The following CNTNAP2 variants were observed in gnomAD, a reference collection of about 807,000 sequenced individuals.
CNTNAP2 encodes contactin associated protein 2.
A neutral mutation model predicts 155.2 loss-of-function variants in CNTNAP2; 98 were observed. The observed-to-expected ratio is 0.63, with a 90% confidence interval of 0.54 to 0.75. CNTNAP2 has a LOEUF of 0.75. Ranked by LOEUF, CNTNAP2 falls within the 30% of genes least tolerant of loss-of-function variation. The probability of loss-of-function intolerance (pLI) is 0.00; values close to 1 mark genes in which losing one functional copy is unlikely to be tolerated. For synonymous variants in CNTNAP2, 651 were observed against 631.2 expected (o/e 1.03, Z -0.47); for missense variants, 1,727 against 1,688.1 (o/e 1.02, Z -0.40).
chr7:148,326,898 AG>A (rs1797901955), intron 21 of CNTNAP2, among the ~76,000 whole-genome samples: 1 of 151,966 alleles, frequency 6.6e-6, no homozygotes, highest in Non-Finnish European at 1.5e-5. Context: ...AATGGAATGA[AG>A]AACCTCTGTA....
At chr7:148,363,807 G>C (rs995762046) in intron 21 of CNTNAP2, among the ~76,000 whole-genome samples, 1 of 151,224 alleles carries the variant, frequency 6.6e-6, no homozygotes, top group Non-Finnish European at 1.5e-5. Context: ...AGCTTGCAGG[G>C]AGGTGTGGAG....
Position 146,960,392 on chromosome 7 carries a change from A to G in CNTNAP2, c.403-83515A>G, listed in dbSNP as rs543170061. On this transcript the variant is annotated intron_variant, in intron 3 of 23. Transcript: ENST00000361727. Reference sequence around the variant, plus strand: ...AGAGAGGCCAGTTAGGAATTGGACAATCGTCTTAAGCAGGCTCTGGGTTTC... The same window carrying G: ...AGAGAGGCCAGTTAGGAATTGGACAGTCGTCTTAAGCAGGCTCTGGGTTTC... Among the ~76,000 whole-genome samples, 153 of 152,322 alleles carry G rather than the reference A, an allele frequency of 1.0e-3. 1 individual carries two copies. Among genetic ancestry groups the G allele is most frequent in the Non-Finnish European group, 7.6e-4 (52 of 68,020 alleles).
chr7:147,367,474 A>G (rs1057174827), intron 9 of CNTNAP2, among the ~76,000 whole-genome samples: 1 of 151,810 alleles, frequency 6.6e-6, no homozygotes, highest in Admixed American at 6.6e-5. Flanking sequence ...TCTGCAAAAG[A>G]GAACTTTTAA....
chr7:147,432,871 C>T lies in CNTNAP2; in HGVS notation c.1670+37091C>T, dbSNP rs79648196. Among the ~76,000 whole-genome samples, 313 of 152,292 alleles carry T rather than the reference C, an allele frequency of 2.1e-3. 1 individual carries two copies. The highest frequency in any genetic ancestry group is 0.014 in the Middle Eastern group (4 of 294). On this transcript the variant is annotated intron_variant, in intron 10 of 23. Transcript: ENST00000361727. ...TTCATGCACTCTTAGAGCTGTGCTG[C>T]TTTCCTTCACTGGCACTTACCTAAG...
intron 18 of CNTNAP2, chr7:148,191,004 A>G (rs1795195929): frequency 6.6e-6 from 1 of 152,288 alleles, no homozygotes; most frequent in Non-Finnish European, 1.5e-5. Context: ...TACAGACTGA[A>G]CAAGGAAGAT....
chr7:146,492,108 C>T (rs1211557356), intron 1 of CNTNAP2, among the ~76,000 whole-genome samples: 3 of 152,016 alleles, frequency 2.0e-5, no homozygotes, highest in Non-Finnish European at 2.9e-5. Context: ...TAAAAACAAA[C>T]AAACAAACAA....
chr7:148,305,506 T>C (rs1394517045), intron 21 of CNTNAP2, among the ~76,000 whole-genome samples: 1 of 152,160 alleles, frequency 6.6e-6, no homozygotes, highest in Admixed American at 6.6e-5. Flanking sequence ...TATAAAGAAC[T>C]ACATGAGACT....
rs189513359 is a variant in CNTNAP2 at position 147,695,829 on chromosome 7, T to A, written c.2098+56523T>A. ...AAAAAATAAAAAACTAAAAAATTTT[T>A]AAAAAGTATATTTACATTCTGTTGT... On this transcript the variant is annotated intron_variant, in intron 13 of 23. Transcript: ENST00000361727. Among the ~76,000 whole-genome samples the A allele has an allele frequency of 5.3e-3, 814 of 152,204 alleles. 7 individuals carry two copies. The highest frequency in any genetic ancestry group is 0.018 in the African/African-American group (767 of 41,550).
chr7:147,488,519 G>T (rs960555333), intron 11 of CNTNAP2, among the ~76,000 whole-genome samples: 1 of 150,978 alleles, frequency 6.6e-6, no homozygotes, highest in South Asian at 2.1e-4. Flanking sequence ...ATCTTGAAAA[G>T]AAATCATGCT....
At chr7:147,501,662 T>C (rs889325016) in intron 11 of CNTNAP2, among the ~76,000 whole-genome samples, 1 of 152,212 alleles carries the variant, frequency 6.6e-6, no homozygotes, top group African/African-American at 2.4e-5. Flanking sequence ...AACTATAGGG[T>C]AATGTAAGTG....
At chr7:147,647,554 T>C (rs1278518083) in intron 13 of CNTNAP2, among the ~76,000 whole-genome samples, 1 of 152,178 alleles carries the variant, frequency 6.6e-6, no homozygotes, top group Non-Finnish European at 1.5e-5. Context: ...TAGCAGTTGA[T>C]TATGGGCTAT....
intron 1 of CNTNAP2, among the ~76,000 whole-genome samples, chr7:146,256,374 A>G (rs1799836936): frequency 6.6e-6 from 1 of 152,142 alleles, no homozygotes; most frequent in Admixed American, 6.6e-5. Context: ...TGATTTCTAA[A>G]TTTATGTAAG....
chr7:147,835,928 C>T (rs183494440), intron 13 of CNTNAP2, among the ~76,000 whole-genome samples: 63 of 152,266 alleles, frequency 4.1e-4, no homozygotes, highest in Middle Eastern at 3.4e-3. Context: ...GGCAACAAAC[C>T]TCCTCCCCTG....
intron 13 of CNTNAP2, among the ~76,000 whole-genome samples, chr7:147,757,673 C>T (rs1199323217): frequency 6.6e-6 from 1 of 152,034 alleles, no homozygotes; most frequent in East Asian, 1.9e-4. Flanking sequence ...TCAGTTGGCT[C>T]TTGTGTTTCT....
chr7:148,211,030 G>A (rs541134286), intron 18 of CNTNAP2, among the ~76,000 whole-genome samples: 1 of 152,346 alleles, frequency 6.6e-6, no homozygotes, highest in East Asian at 1.9e-4. Flanking sequence ...GCCTGATGCA[G>A]AATCATGATG....
intron 21 of CNTNAP2, among the ~76,000 whole-genome samples, chr7:148,274,247 T>C (rs1796832169): frequency 6.6e-6 from 1 of 151,808 alleles, no homozygotes; most frequent in Non-Finnish European, 1.5e-5. Context: ...TAGCATGAGA[T>C]AAAAAAAACT....
intron 3 of CNTNAP2, among the ~76,000 whole-genome samples, chr7:147,042,467 C>T (rs35364443): frequency 0.047 from 7,130 of 152,228 alleles, 209 homozygotes; most frequent in African/African-American, 0.076. Context: ...GGTTGGATAA[C>T]AGATCTACTA....
intron 14 of CNTNAP2, among the ~76,000 whole-genome samples, chr7:147,950,753 G>C (rs2116829433): frequency 6.6e-6 from 1 of 152,308 alleles, no homozygotes; most frequent in South Asian, 2.1e-4. Flanking sequence ...AGAGCACTTT[G>C]ACCTTCCTTT....
intron 15 of CNTNAP2, among the ~76,000 whole-genome samples, chr7:148,066,734 A>G (rs544141613): frequency 9.2e-5 from 14 of 152,036 alleles, no homozygotes; most frequent in Admixed American, 6.6e-4. Flanking sequence ...TCCTGACCTC[A>G]TGATCCGCCT....
Sources: allele counts gnomAD v4.1 joint callset (sites outside exome capture counted in the v4.1 genomes callset), GRCh38; gene constraint gnomAD v4.1.1; transcripts MANE v1.5; gene names NCBI Gene and HGNC (gene_info 2026-07-23, HGNC 2026-07-21).